CDH17: variants seen among roughly 807,000 people sequenced by gnomAD.
CDH17 encodes cadherin 17.
Under a neutral mutation model 86.3 loss-of-function variants are expected in CDH17, and 67 were observed. That is an observed-to-expected ratio of 0.78 (90% CI 0.64 to 0.95). CDH17 has a LOEUF of 0.95. CDH17 is among the 40% of genes least tolerant of loss of function. The pLI is 0.00. For synonymous variants in CDH17, 367 were observed against 366.4 expected, an observed-to-expected ratio of 1.00 and a Z score of -0.02; for missense variants, 993 against 1,017.6, an observed-to-expected ratio of 0.98 and a Z score of 0.33.
chr8:94,181,301 A>G (rs1208115479), intron 3 of CDH17, among the ~76,000 whole-genome samples: 1 of 152,160 alleles, frequency 6.6e-6, no homozygotes, highest in East Asian at 1.9e-4. Context: ...GAAACAGAAG[A>G]CTTGAACAAT....
intron 3 of CDH17, 132 bp from the exon 4 acceptor site, chr8:94,177,853 G>T (rs574809112): frequency 2.3e-4 from 185 of 805,242 alleles, no homozygotes; most frequent in Non-Finnish European, 2.9e-4. Flanking sequence ...AACTTTTAAA[G>T]TGGTACCTTC....
At chr8:94,163,395 G>A (rs889133793) in intron 10 of CDH17, among the ~76,000 whole-genome samples, 9 of 152,260 alleles carry the variant, frequency 5.9e-5, no homozygotes, top group African/African-American at 2.2e-4. Context: ...TAACAGTTGG[G>A]TTCTGCCACT....
chr8:94,171,861 T>C (rs1813274919), intron 7 of CDH17, among the ~76,000 whole-genome samples: 1 of 152,142 alleles, frequency 6.6e-6, no homozygotes, highest in African/African-American at 2.4e-5. Flanking sequence ...ACTTTGTCCC[T>C]TGCTAATTAT....
chr8:94,169,431 T>G (rs1343679324), intron 9 of CDH17, among the ~76,000 whole-genome samples: 2 of 151,892 alleles, frequency 1.3e-5, no homozygotes, highest in Admixed American at 6.6e-5. Flanking sequence ...TAATGAGCAG[T>G]GTGAGCAAGC....
chr8:94,195,183 A>G (rs191838421), intron 1 of CDH17, among the ~76,000 whole-genome samples: 1 of 152,270 alleles, frequency 6.6e-6, no homozygotes, highest in Admixed American at 6.5e-5. Flanking sequence ...TTGTATTTTT[A>G]GTAGAGACAG....
At chr8:94,152,194 C>A in intron 12 of CDH17, 82 bp from the exon 13 acceptor site, 1 of 1,443,096 alleles carries the variant, frequency 6.9e-7, no homozygotes, top group South Asian at 1.3e-5. Flanking sequence ...CTTAAACTCT[C>A]ATATATTCGA....
At chr8:94,179,583 A>G (rs1813439538) in intron 3 of CDH17, among the ~76,000 whole-genome samples, 1 of 152,328 alleles carries the variant, frequency 6.6e-6, no homozygotes, top group East Asian at 1.9e-4. Context: ...GGCTCTGCAT[A>G]AGCAGAAAGT....
chr8:94,158,300 C>G (rs1274884759), intron 12 of CDH17, among the ~76,000 whole-genome samples: 8 of 152,138 alleles, frequency 5.3e-5, no homozygotes, highest in Admixed American at 4.6e-4. Context: ...CAGAGGCCTA[C>G]TCTACTGTAG....
In CDH17 at chr8:94,148,094, CAG is replaced by C. The variant is rs1172908179; in HGVS notation, c.1927+648_1927+649del. On this transcript the variant is annotated intron_variant, in intron 14 of 17. Coordinates refer to ENST00000027335, the MANE Select transcript of CDH17 (RefSeq NM_004063.4). ...AACAGGTCAGTGGTTTGATTCCACT[CAG>C]AGCTCCTGGGGGAAACCCACAACCA... Among the ~76,000 whole-genome samples the C allele has an allele frequency of 4.6e-5, 7 of 152,334 alleles. No individual in the cohort carries two copies. In the East Asian group the frequency reaches 1.3e-3, roughly 29 times the overall value.
At chr8:94,199,081 ATATTTTT>A (rs1226553475) in intron 1 of CDH17, among the ~76,000 whole-genome samples, 14 of 9,846 alleles carry the variant, frequency 1.4e-3, no homozygotes, top group East Asian at 3.2e-3. Context: ...ATATATATAT[ATATTTTT>A]TTTTTTTTAT....
At position 94,162,127 on chromosome 8, in the gene CDH17, T is replaced by A. The variant is rs762621447; in HGVS notation, c.1318A>T (p.Ile440Phe). 6.2e-7 allele frequency: 1 copy of A among 1,607,788 alleles called. No individual in the cohort carries two copies. Among genetic ancestry groups the A allele is most frequent in the Non-Finnish European group, 8.5e-7 (1 of 1,174,352 alleles). ...ATGGGGATCTGATCATTGATATCAA[T>A]AACGTTGATTTGCACAAAACAAAGG... ...KTLCFVQINV[I>F]DINDQIPIFE... Residue 440 changes from isoleucine (I) to phenylalanine (F), a missense_variant, in exon 11 of 18, where the codon ATT (isoleucine) becomes TTT (phenylalanine). Physicochemically the swap from Ile to Phe is conservative, Grantham distance 21 (BLOSUM62 0). Coordinates refer to ENST00000027335, the MANE Select transcript of CDH17 (RefSeq NM_004063.4).
In CDH17 at chr8:94,130,723, A is replaced by G. The variant is rs368869228; in HGVS notation, c.2301T>C (p.Cys767=). The G allele has an allele frequency of 1.8e-5, 29 of 1,613,648 alleles. No individual in the cohort carries two copies. The African/African-American group carries it at 3.5e-4, about 19-fold the overall frequency. ...CTGGCCGGAAACAACTTCCTTCCAC[A>G]CAACTGCAGAATGTAACTGAAAAGC... ...IVSLPVTFCS[C]VEGSCFRPAG... The change falls in exon 17 of 18, where the codon TGT becomes TGC. Residue 767 remains cysteine (C), a synonymous_variant. Transcript: ENST00000027335.
chr8:94,180,879 A>G (rs1813469471), intron 3 of CDH17, among the ~76,000 whole-genome samples: 2 of 144,892 alleles, frequency 1.4e-5, no homozygotes, highest in South Asian at 4.3e-4. Flanking sequence ...TGGAGGACAG[A>G]GTGAGATTCC....
intron 3 of CDH17, among the ~76,000 whole-genome samples, chr8:94,181,984 A>G (rs916291291): frequency 6.6e-6 from 1 of 152,136 alleles, no homozygotes; most frequent in African/African-American, 2.4e-5. Flanking sequence ...AAAAAGTATT[A>G]AAGAGAATAT....
intron 4 of CDH17, among the ~76,000 whole-genome samples, chr8:94,177,145 C>G (rs1301643278): frequency 6.6e-6 from 1 of 152,170 alleles, no homozygotes; most frequent in Non-Finnish European, 1.5e-5. Context: ...GGAGACGGGT[C>G]TTTTTAGTCA....
chr8:94,145,603 A>AAT (rs762505558), intron 15 of CDH17, among the ~76,000 whole-genome samples: 13 of 152,104 alleles, frequency 8.5e-5, no homozygotes, highest in African/African-American at 2.7e-4. Flanking sequence ...GTATACTTTG[A>AAT]ATATATATAT....
intron 9 of CDH17, among the ~76,000 whole-genome samples, chr8:94,168,675 C>T (rs1170488392): frequency 1.3e-5 from 2 of 152,064 alleles, no homozygotes; most frequent in African/African-American, 4.8e-5. Flanking sequence ...GCAAGCTGAG[C>T]CCCTTCAAAA....
intron 3 of CDH17, among the ~76,000 whole-genome samples, chr8:94,185,660 A>C (rs910432890): frequency 6.6e-6 from 1 of 152,238 alleles, no homozygotes; most frequent in Non-Finnish European, 1.5e-5. Context: ...AAGTAGCCAC[A>C]AACTTTGTTT....
chr8:94,215,904 C>G (rs1814187868), intron 1 of CDH17, among the ~76,000 whole-genome samples: 1 of 147,114 alleles, frequency 6.8e-6, no homozygotes, highest in Non-Finnish European at 1.5e-5. Context: ...ATTATTTGAC[C>G]TCTTTTGTTT....
Sources: allele counts gnomAD v4.1 joint callset (sites outside exome capture counted in the v4.1 genomes callset), GRCh38; gene constraint gnomAD v4.1.1; transcripts MANE v1.5; gene names NCBI Gene and HGNC (gene_info 2026-07-23, HGNC 2026-07-21).